SUGCT: variants seen among roughly 807,000 people sequenced by gnomAD.
SUGCT encodes succinyl-CoA:glutarate CoA-transferase.
SUGCT carries 41 observed loss-of-function variants against 55.0 expected under a neutral mutation model. The observed-to-expected ratio is 0.74, with a 90% CI of 0.58 to 0.97. SUGCT has a LOEUF of 0.97. SUGCT is among the 50% of genes least tolerant of loss of function. The pLI, the probability that SUGCT is intolerant of heterozygous loss-of-function variation, is 0.00. For synonymous variants in SUGCT, 187 were observed against 200.4 expected, an observed-to-expected ratio of 0.93 and a Z score of 0.56; for missense variants, 568 against 547.8, an observed-to-expected ratio of 1.04 and a Z score of -0.37.
intron 13 of SUGCT, among the ~76,000 whole-genome samples, chr7:40,776,463 A>AT (rs1789459317): frequency 6.6e-6 from 1 of 152,172 alleles, no homozygotes; most frequent in South Asian, 2.1e-4. Context: ...TTGACATCAA[A>AT]TGGTCCTTTT....
chr7:40,670,096 G>C (rs765246716), intron 12 of SUGCT, among the ~76,000 whole-genome samples: 3 of 143,928 alleles, frequency 2.1e-5, no homozygotes, highest in Non-Finnish European at 4.5e-5. Context: ...AATGCCAGTA[G>C]CTTTCTCATC....
chr7:40,480,889 C>G (rs1054810114), intron 11 of SUGCT, among the ~76,000 whole-genome samples: 9 of 152,052 alleles, frequency 5.9e-5, no homozygotes, highest in African/African-American at 2.2e-4. Context: ...TACATACACC[C>G]AGAGACACAC....
At chr7:40,361,836 T>G (rs1384197211) in intron 9 of SUGCT, among the ~76,000 whole-genome samples, 1 of 152,040 alleles carries the variant, frequency 6.6e-6, no homozygotes, top group East Asian at 1.9e-4. Context: ...ATGGTTTTTT[T>G]TTCTGAGGGC....
intron 12 of SUGCT, among the ~76,000 whole-genome samples, chr7:40,563,770 CTT>C (rs1341224551): frequency 6.6e-6 from 1 of 151,716 alleles, no homozygotes; most frequent in Non-Finnish European, 1.5e-5. Context: ...GGGAAAGCCT[CTT>C]ATGGCTTTCT....
At chr7:40,409,300 G>A (rs1469823662) in intron 9 of SUGCT, among the ~76,000 whole-genome samples, 1 of 150,684 alleles carries the variant, frequency 6.6e-6, no homozygotes, top group African/African-American at 2.4e-5. Context: ...GTCTTGCTCT[G>A]TTGCCCGGGC....
At chr7:40,205,404 G>A (rs996731496) in intron 6 of SUGCT, among the ~76,000 whole-genome samples, 1 of 151,944 alleles carries the variant, frequency 6.6e-6, no homozygotes, top group Non-Finnish European at 1.5e-5. Context: ...CACGTTGGGA[G>A]GCCAAGGTGG....
At position 40,161,642 on chromosome 7, in the gene SUGCT, G is replaced by T. The variant is rs775436511; in HGVS notation, c.101-19305G>T. On this transcript the variant is annotated intron_variant, in intron 1 of 13. Transcript: ENST00000335693. Reference sequence around the variant, plus strand: ...CGTCACCAATGTTGAGAAATTCCAGGGATCTTTTGGGTTTGTGAGCATTCT... The same window carrying T: ...CGTCACCAATGTTGAGAAATTCCAGTGATCTTTTGGGTTTGTGAGCATTCT... Among the ~76,000 whole-genome samples, 38 of 152,098 alleles carry T rather than the reference G, an allele frequency of 2.5e-4. 1 individual carries two copies. Among genetic ancestry groups the T allele is most frequent in the Non-Finnish European group, 4.3e-4 (29 of 68,028 alleles).
chr7:40,982,929 A>C, the SUGCT span, among the ~76,000 whole-genome samples: 1 of 152,178 alleles, frequency 6.6e-6, no homozygotes, highest in East Asian at 1.9e-4. Context: ...GATTACAGGC[A>C]TGAGCTGCCA....
intron 12 of SUGCT, among the ~76,000 whole-genome samples, chr7:40,620,587 G>C (rs1359414616): frequency 1.3e-5 from 2 of 152,026 alleles, no homozygotes; most frequent in Admixed American, 6.6e-5. Context: ...ATTTTTAGTA[G>C]AGACGAGGTT....
At chr7:40,639,886 G>A (rs181365414) in intron 12 of SUGCT, among the ~76,000 whole-genome samples, 2 of 151,966 alleles carry the variant, frequency 1.3e-5, no homozygotes, top group Non-Finnish European at 2.9e-5. Flanking sequence ...GTTCTTAGTC[G>A]ATACTCAATA....
At chr7:40,309,026 C>T (rs778499384) in intron 8 of SUGCT, among the ~76,000 whole-genome samples, 1 of 152,182 alleles carries the variant, frequency 6.6e-6, no homozygotes, top group South Asian at 2.1e-4. Flanking sequence ...GAAAATTTCT[C>T]CTAGATTTTC....
At chr7:41,031,047 C>A in the SUGCT span, among the ~76,000 whole-genome samples, 1 of 152,118 alleles carries the variant, frequency 6.6e-6, no homozygotes. Flanking sequence ...CAGCAACTTC[C>A]GTCTCCCGGG....
intron 6 of SUGCT, among the ~76,000 whole-genome samples, chr7:40,197,695 C>T (rs750497671): frequency 5.3e-5 from 8 of 152,192 alleles, no homozygotes; most frequent in Non-Finnish European, 1.0e-4. Flanking sequence ...CAAAGCAAGT[C>T]ACATGGCCAA....
chr7:40,620,947 T>C (rs1799236852), intron 12 of SUGCT, among the ~76,000 whole-genome samples: 1 of 152,178 alleles, frequency 6.6e-6, no homozygotes, highest in Admixed American at 6.5e-5. Context: ...TTCAGATCTA[T>C]TTTTTGTATT....
chr7:40,568,663 A>G (rs762622623), intron 12 of SUGCT, among the ~76,000 whole-genome samples: 1 of 152,168 alleles, frequency 6.6e-6, no homozygotes, highest in African/African-American at 2.4e-5. Context: ...TGACATTGTA[A>G]TGATGCTATG....
chr7:40,876,077 T>G, the SUGCT span, among the ~76,000 whole-genome samples: 1 of 152,246 alleles, frequency 6.6e-6, no homozygotes, highest in Non-Finnish European at 1.5e-5. Flanking sequence ...GAAGGCTGCT[T>G]TTCTGGATTC....
chr7:40,967,315 T>C, the SUGCT span: 2 of 152,194 alleles, frequency 1.3e-5, no homozygotes, highest in African/African-American at 4.8e-5. Context: ...CAAGTTGAGA[T>C]TGGAATCATG....
intron 7 of SUGCT, among the ~76,000 whole-genome samples, chr7:40,271,458 C>T (rs1474516141): frequency 6.6e-6 from 1 of 152,026 alleles, no homozygotes; most frequent in African/African-American, 2.4e-5. Flanking sequence ...TAGGGGAAAA[C>T]ATTCAGTTCT....
the SUGCT span, among the ~76,000 whole-genome samples, chr7:40,929,903 G>T: frequency 1.3e-5 from 2 of 152,120 alleles, no homozygotes; most frequent in African/African-American, 2.4e-5. Context: ...TTCTTTTGCT[G>T]TGCAGAAGCT....
Sources: gnomAD v4.1 joint callset for allele counts (sites outside exome capture counted in the v4.1 genomes callset) on GRCh38, gnomAD v4.1.1 for gene constraint, MANE v1.5 for transcripts, NCBI Gene and HGNC (gene_info 2026-07-23, HGNC 2026-07-21) for gene names.